GLRA1: variants seen among roughly 807,000 people sequenced by gnomAD.
GLRA1 encodes glycine receptor alpha 1.
In GLRA1, 37 loss-of-function variants were observed where a neutral mutation model predicts 48.3. The ratio of observed to expected loss-of-function variants is 0.77; its 90% CI spans 0.59 to 1.01. GLRA1 has a LOEUF of 1.01. Among genes scored for constraint, GLRA1 ranks in the 50% least tolerant of loss-of-function variants. The probability of loss-of-function intolerance (pLI) is 0.00; values close to 1 mark genes in which losing one functional copy is unlikely to be tolerated. For synonymous variants in GLRA1, 196 were observed against 210.7 expected (o/e 0.93, Z 0.60); for missense variants, 427 against 571.0 (o/e 0.75, Z 2.57).
At chr5:151,910,746 G>A (rs1345994160) in intron 1 of GLRA1, among the ~76,000 whole-genome samples, 4 of 152,230 alleles carry the variant, frequency 2.6e-5, no homozygotes, top group Non-Finnish European at 4.4e-5. Flanking sequence ...TAATGGAGAT[G>A]TATGAAAGTG....
At chr5:151,841,624 T>TA (rs1453835735) in intron 7 of GLRA1, among the ~76,000 whole-genome samples, 1 of 152,132 alleles carries the variant, frequency 6.6e-6, no homozygotes, top group East Asian at 1.9e-4. Context: ...ATCAGATTAC[T>TA]AAAAGAGTGA....
intron 3 of GLRA1, among the ~76,000 whole-genome samples, chr5:151,877,520 C>T (rs530595338): frequency 8.6e-5 from 13 of 151,588 alleles, no homozygotes; most frequent in Non-Finnish European, 1.5e-4. Context: ...AACAAAAACA[C>T]AACAACAACA....
chr5:151,916,130 C>G (rs147424868), intron 1 of GLRA1, among the ~76,000 whole-genome samples: 2 of 152,094 alleles, frequency 1.3e-5, no homozygotes, highest in Non-Finnish European at 2.9e-5. Context: ...TATTTGAATC[C>G]TGGTTTTACT....
At chr5:151,880,075 C>G (rs939780783) in intron 3 of GLRA1, among the ~76,000 whole-genome samples, 4 of 152,194 alleles carry the variant, frequency 2.6e-5, no homozygotes, top group African/African-American at 9.7e-5. Flanking sequence ...TGCCTTCCAC[C>G]ATGATTGTAA....
At chr5:151,920,983 G>A (rs936894848) in intron 1 of GLRA1, among the ~76,000 whole-genome samples, 4 of 152,184 alleles carry the variant, frequency 2.6e-5, no homozygotes, top group Non-Finnish European at 5.9e-5. Flanking sequence ...CAATGTATTT[G>A]TCATTTTCCT....
intron 8 of GLRA1, among the ~76,000 whole-genome samples, chr5:151,828,592 C>T (rs1742124200): frequency 6.6e-6 from 1 of 152,202 alleles, no homozygotes; most frequent in South Asian, 2.1e-4. Context: ...AGAAAAAAGC[C>T]AGTGGACACC....
intron 7 of GLRA1, among the ~76,000 whole-genome samples, chr5:151,831,618 G>C (rs1388095800): frequency 6.6e-6 from 1 of 152,220 alleles, no homozygotes; most frequent in Non-Finnish European, 1.5e-5. Flanking sequence ...TCTCTGGGCA[G>C]AGCATCTCTG....
At chr5:151,868,827 G>T (rs1034305303) in intron 3 of GLRA1, among the ~76,000 whole-genome samples, 1 of 152,126 alleles carries the variant, frequency 6.6e-6, no homozygotes, top group Non-Finnish European at 1.5e-5. Flanking sequence ...AGTGCTTGTG[G>T]ACTGCCCAGA....
At chr5:151,885,344 A>G (rs533801704) in intron 3 of GLRA1, among the ~76,000 whole-genome samples, 1 of 152,366 alleles carries the variant, frequency 6.6e-6, no homozygotes, top group African/African-American at 2.4e-5. Flanking sequence ...CTTACAGTAT[A>G]GTGACAGGAG....
chr5:151,862,513 G>A (rs546180538), intron 3 of GLRA1, among the ~76,000 whole-genome samples: 15 of 152,270 alleles, frequency 9.9e-5, no homozygotes, highest in African/African-American at 3.4e-4. Flanking sequence ...GAAAATTTTT[G>A]CAATCTACTA....
At chr5:151,849,376 G>GTTTCCTTTCC (rs757139471) in intron 7 of GLRA1, among the ~76,000 whole-genome samples, 145 of 13,160 alleles carry the variant, frequency 0.011, 7 homozygotes, top group Admixed American at 0.025. Context: ...TCTTCCTTTC[G>GTTTCCTTTCC]TTTCCTTTCC....
At chr5:151,834,591 C>T (rs760897891) in intron 7 of GLRA1, among the ~76,000 whole-genome samples, 2 of 152,052 alleles carry the variant, frequency 1.3e-5, no homozygotes, top group African/African-American at 4.8e-5. Context: ...CAAACAAATT[C>T]AAAAGCTAGC....
chr5:151,896,147 C>T (rs1033179130), intron 1 of GLRA1, among the ~76,000 whole-genome samples: 2 of 152,190 alleles, frequency 1.3e-5, no homozygotes, highest in African/African-American at 4.8e-5. Context: ...AATACCAGAA[C>T]CCTCCCCAAA....
At chr5:151,909,161 A>C (rs1461613366) in intron 1 of GLRA1, among the ~76,000 whole-genome samples, 1 of 152,196 alleles carries the variant, frequency 6.6e-6, no homozygotes, top group East Asian at 1.9e-4. Flanking sequence ...ATTTAGAGGG[A>C]TTTCTGTCCA....
At chr5:151,885,089 T>G (rs1400378648) in intron 3 of GLRA1, among the ~76,000 whole-genome samples, 1 of 152,216 alleles carries the variant, frequency 6.6e-6, no homozygotes, top group Non-Finnish European at 1.5e-5. Context: ...GTGGGAACAG[T>G]CTTCGTGACC....
intron 3 of GLRA1, among the ~76,000 whole-genome samples, chr5:151,864,141 G>A (rs1418188460): frequency 6.9e-6 from 1 of 144,432 alleles, no homozygotes; most frequent in Non-Finnish European, 1.5e-5. Flanking sequence ...AAGTGTGCAT[G>A]TGTGTGTGTG....
intron 1 of GLRA1, among the ~76,000 whole-genome samples, chr5:151,901,796 T>C (rs1754374242): frequency 6.6e-6 from 1 of 152,202 alleles, no homozygotes; most frequent in South Asian, 2.1e-4. Flanking sequence ...TTTACATATT[T>C]CACTGGATTT....
chr5:151,824,893 GTA>G (rs2113281595), intron 8 of GLRA1, among the ~76,000 whole-genome samples: 1 of 152,196 alleles, frequency 6.6e-6, no homozygotes, highest in Admixed American at 6.5e-5. Flanking sequence ...TCAAAACTTG[GTA>G]TATGTTTGTT....
At chr5:151,848,891 G>A (rs556517858) in intron 7 of GLRA1, 11 of 651,158 alleles carry the variant, frequency 1.7e-5, no homozygotes, top group South Asian at 1.0e-4. Flanking sequence ...CACCATGACC[G>A]CCTCAGCACA....
Sources: allele counts gnomAD v4.1 joint callset (sites outside exome capture counted in the v4.1 genomes callset), GRCh38; gene constraint gnomAD v4.1.1; transcripts MANE v1.5; gene names NCBI Gene and HGNC (gene_info 2026-07-23, HGNC 2026-07-21).